QRICH2: variants seen among roughly 807,000 people sequenced by gnomAD.
QRICH2 encodes glutamine rich 2, also known as glutamine-rich protein 2.
A neutral mutation model predicts 168.3 loss-of-function variants in QRICH2; 119 were observed. The observed-to-expected ratio is 0.71, with a 90% CI of 0.61 to 0.82. QRICH2 has a LOEUF of 0.82. QRICH2 is among the 40% of genes least tolerant of loss of function. The pLI is 0.00. For missense variants in QRICH2, 2,241 were observed against 2,491.6 expected, an observed-to-expected ratio of 0.90 and a Z score of 2.14; for synonymous variants, 894 against 951.2, an observed-to-expected ratio of 0.94 and a Z score of 1.11.
At chr17:76,290,102 T>C in intron 4 of QRICH2, 25 bp from the exon 5 acceptor site, 1 of 1,571,070 alleles carries the variant, frequency 6.4e-7, no homozygotes, top group Non-Finnish European at 8.7e-7. Flanking sequence ...AGCCTTATGA[T>C]CAGAGGGGTT....
intron 3 of QRICH2, among the ~76,000 whole-genome samples, chr17:76,303,807 A>G (rs371326310): frequency 7.0e-6 from 1 of 143,870 alleles, no homozygotes; most frequent in Admixed American, 7.3e-5. Context: ...CGGGAGGCGG[A>G]GCTTGCAGTG....
At chr17:76,276,798 G>C in intron 16 of QRICH2, 31 bp from the exon 17 acceptor site, 1 of 1,548,850 alleles carries the variant, frequency 6.5e-7, no homozygotes, top group Non-Finnish European at 8.9e-7. Flanking sequence ...CGTCGCCACT[G>C]TAGCAGCCAC....
intron 4 of QRICH2, among the ~76,000 whole-genome samples, 172 bp from the exon 5 acceptor site, chr17:76,290,249 C>G (rs558631399): frequency 4.6e-5 from 7 of 152,304 alleles, no homozygotes; most frequent in African/African-American, 1.7e-4. Flanking sequence ...GGAGAGAGAG[C>G]TGTCCTTAGC....
intron 3 of QRICH2, among the ~76,000 whole-genome samples, chr17:76,295,761 G>A (rs762373062): frequency 2.4e-4 from 36 of 152,138 alleles, no homozygotes; most frequent in South Asian, 4.1e-4. Flanking sequence ...TACAATGATG[G>A]GGTCTGCAGC....
chr17:76,287,853 T>C lies in QRICH2; in HGVS notation c.3843A>G (p.Glu1281=). Residue 1281 remains glutamate, a synonymous_variant, in exon 6 of 19, where the codon GAA becomes GAG. Transcript: ENST00000680821. ...CTCCAGCTTTCAGTTCCTTCCCTGC[T>C]TCTTGATTCCCTTCCCCTTCCAGGA... ...QRILEGEGNQ[E]AGKELKAGEL... The C allele has an allele frequency of 6.2e-7, 1 of 1,614,152 alleles. No homozygotes were observed. The highest frequency in any genetic ancestry group is 8.5e-7 in the Non-Finnish European group (1 of 1,180,018).
At position 76,281,028 on chromosome 17, in the gene QRICH2, CCCCAGGTAAGTTGG is replaced by C; in HGVS notation, c.4264-89_4264-76del. 1.9e-6 allele frequency: 3 copies of C among 1,551,424 alleles called. No homozygotes were observed. The South Asian group carries it at 3.5e-5, about 18-fold the overall frequency. ...ACCCCCTGCTGCCATAATATTGCTGCCCCAGGTAAGTTGGCCCTTAAAACATCTGCAAGGCTGGG... is the reference window on the plus strand; with the variant it reads ...ACCCCCTGCTGCCATAATATTGCTGCCCCTTAAAACATCTGCAAGGCTGGG... On this transcript the variant is annotated intron_variant, in intron 8 of 18. Coordinates refer to ENST00000680821, the MANE Select transcript of QRICH2 (RefSeq NM_001388453.1). The surrounding 1 kb of genome is among the most constrained non-coding windows in gnomAD (Gnocchi z 4.4).
rs930466137 is a variant in QRICH2 at position 76,292,766 on chromosome 17, C to T, written c.1961G>A (p.Gly654Asp). The T allele has an allele frequency of 1.2e-6, 2 of 1,613,310 alleles. No homozygotes were observed. The highest frequency in any genetic ancestry group is 2.7e-5 in the African/African-American group (2 of 74,576). Reference sequence around the variant, plus strand: ...CTGTACCAAGACACCCTGACCTGTGCCAGATTGGACCAAATCATGCTGACC... The same window carrying T: ...CTGTACCAAGACACCCTGACCTGTGTCAGATTGGACCAAATCATGCTGACC... ...GTGQHDLVQS[G>D]TGQGVLVQPG... The change falls in exon 4 of 19, where the codon GGC becomes GAC. Residue 654 changes from glycine (G) to aspartate (D), a missense_variant. Around this residue, in one of 3 missense-constraint regions of QRICH2, gnomAD observed 2,047 missense variants for 2,303.8 expected, o/e 0.89. Transcript: ENST00000680821.
intron 3 of QRICH2, among the ~76,000 whole-genome samples, chr17:76,296,611 C>G (rs2070796452): frequency 6.6e-6 from 1 of 152,056 alleles, no homozygotes; most frequent in Non-Finnish European, 1.5e-5. Flanking sequence ...AACCCCATCT[C>G]TACTAAAAAT....
At position 76,307,584 on chromosome 17, in the gene QRICH2, C is replaced by G; in HGVS notation, c.415G>C (p.Gly139Arg). 1 of 1,562,636 alleles carries G rather than the reference C, an allele frequency of 6.4e-7. No homozygotes were observed. Among genetic ancestry groups the G allele is most frequent in the Non-Finnish European group, 8.7e-7 (1 of 1,153,374 alleles). ...CACTCTAGCGCGGCCAGGTCAAGCC[C>G]GCTGGCCTGGGAGAAGTGCTGCACG... is the stretch of plus-strand genomic sequence containing the variant. ...THVQHFSQAS[G>R]LDLAALEWPE... The change falls in exon 1 of 19, where the codon GGG becomes CGG. Residue 139 changes from glycine to arginine, a missense_variant. Coordinates refer to ENST00000680821, the MANE Select transcript of QRICH2 (RefSeq NM_001388453.1). The surrounding 1 kb of genome is among the most constrained non-coding windows in gnomAD (Gnocchi z 5.3).
Position 76,281,834 on chromosome 17 carries a change from G to A in QRICH2, c.4263+30C>T, listed in dbSNP as rs2070792556. 4 of 1,602,666 alleles carry A rather than the reference G, an allele frequency of 2.5e-6. No homozygotes were observed. In the East Asian group the frequency reaches 9.0e-5, roughly 36 times the overall value. On this transcript the variant is annotated intron_variant, in intron 8 of 18. Coordinates refer to ENST00000680821, the MANE Select transcript of QRICH2 (RefSeq NM_001388453.1). The surrounding 1 kb of genome is among the most constrained non-coding windows in gnomAD (Gnocchi z 4.4). ...CTCCTCTGTGGGGCCATGTCCAGTT[G>A]CAGCAGGAGGGAGGCGAGCAGAGCC...
chr17:76,296,388 G>A (rs1265391132), intron 3 of QRICH2, among the ~76,000 whole-genome samples: 1 of 152,222 alleles, frequency 6.6e-6, no homozygotes, highest in African/African-American at 2.4e-5. Flanking sequence ...GCAGTGCAGG[G>A]AGGGGGAATT....
At chr17:76,279,972 C>T (rs2070755934) in intron 12 of QRICH2, 61 bp downstream of exon 12, 3 of 1,523,344 alleles carry the variant, frequency 2.0e-6, no homozygotes, top group Non-Finnish European at 2.6e-6. Context: ...GACCCCCAGC[C>T]CCCTCTGCCC....
rs2070781737 is a variant in QRICH2, at chr17:76,281,145, C to G, written c.4264-192G>C. ...AGAGGATCACTTGAGCCCAGGAGTTCAAGAACAGCCTGGGCAACATAGGGA... is the reference window on the plus strand; with the variant it reads ...AGAGGATCACTTGAGCCCAGGAGTTGAAGAACAGCCTGGGCAACATAGGGA... On this transcript the variant is annotated intron_variant, in intron 8 of 18. Transcript: ENST00000680821. This position sits in a 1 kb window ranked among gnomAD's most constrained non-coding sequence, Gnocchi z 4.4. Among the ~76,000 whole-genome samples the G allele has an allele frequency of 6.6e-6, 1 of 152,200 alleles. No homozygotes were observed. Among genetic ancestry groups the G allele is most frequent in the African/African-American group, 2.4e-5 (1 of 41,446 alleles).
intron 3 of QRICH2, among the ~76,000 whole-genome samples, chr17:76,303,359 A>AT: frequency 6.6e-6 from 1 of 152,254 alleles, no homozygotes; most frequent in South Asian, 2.1e-4. Flanking sequence ...ACATTTTCAA[A>AT]TGGCCCTCAA....
At chr17:76,287,043 AACACACACACACACACACACACACAC>A (rs56258903) in intron 7 of QRICH2, 123 bp downstream of exon 7, 6 of 203,180 alleles carry the variant, frequency 3.0e-5, no homozygotes, top group African/African-American at 1.8e-4. Flanking sequence ...CACACCACAT[AACACACACACACACACACACACACAC>A]ACACACACAC....
chr17:76,274,951 G>A lies in QRICH2; in HGVS notation c.5483-691C>T, dbSNP rs767824784. 3.0e-4 allele frequency among the ~76,000 whole-genome samples: 45 copies of A among 152,278 alleles called. No homozygotes were observed. The Middle Eastern group carries it at 0.017, about 58-fold the overall frequency. ...CTCCTAAACTACCTGGTCTGTGGGGGGCCCTGGATGATGCTGAGGAGCCAT... is the reference window on the plus strand; with the variant it reads ...CTCCTAAACTACCTGGTCTGTGGGGAGCCCTGGATGATGCTGAGGAGCCAT... On this transcript the variant is annotated intron_variant, in intron 18 of 18. Transcript: ENST00000680821.
intron 3 of QRICH2, among the ~76,000 whole-genome samples, chr17:76,299,984 C>T (rs2070870573): frequency 6.6e-6 from 1 of 151,894 alleles, no homozygotes; most frequent in African/African-American, 2.4e-5. Flanking sequence ...GCACACACCA[C>T]CACGCCCAGC....
chr17:76,287,797 T>G lies in QRICH2; in HGVS notation c.3896+3A>C. On this transcript the variant is annotated splice_donor_region_variant and intron_variant, in intron 6 of 18. Transcript: ENST00000680821. ...CCAGCTGCTCTTAGCTGGGGCATTT[T>G]ACCTGAGGACACCCAGCTGCAATCT... The G allele has an allele frequency of 6.2e-7, 1 of 1,611,434 alleles. No individual in the cohort carries two copies.
intron 7 of QRICH2, among the ~76,000 whole-genome samples, chr17:76,284,168 C>CAAAAAAAAAAAAAAAAAAAAAAA (rs61553346): frequency 6.4e-5 from 4 of 62,746 alleles, no homozygotes; most frequent in South Asian, 4.1e-4. Context: ...ACTCTGTCTC[C>CAAAAAAAAAAAAAAAAAAAAAAA]AAAAAAAAAA....
Sources: gnomAD v4.1 joint callset for allele counts (sites outside exome capture counted in the v4.1 genomes callset) on GRCh38, gnomAD v4.1.1 for gene constraint, gnomAD v4.1.1 regional missense constraint, Gnocchi (gnomAD v3.1) non-coding constraint, MANE v1.5 for transcripts, NCBI Gene and HGNC (gene_info 2026-07-23, HGNC 2026-07-21) for gene names.